LAMA2: variants seen among roughly 807,000 people sequenced by gnomAD.
LAMA2 encodes laminin subunit alpha-2.
In LAMA2, 269 loss-of-function variants were observed where a neutral mutation model predicts 364.8. The observed-to-expected ratio is 0.74, with a 90% CI of 0.67 to 0.82. The LOEUF is 0.82. LAMA2 is among the 40% of genes least tolerant of loss of function. The probability of loss-of-function intolerance (pLI) is 0.00; values close to 1 mark genes in which losing one functional copy is unlikely to be tolerated. For missense variants in LAMA2, 3,807 were observed against 3,873.2 expected (o/e 0.98, Z 0.45); for synonymous variants, 1,379 against 1,370.6 (o/e 1.01, Z -0.14).
chr6:129,213,314 A>G (rs1783215225), intron 12 of LAMA2, among the ~76,000 whole-genome samples: 1 of 152,238 alleles, frequency 6.6e-6, no homozygotes, highest in South Asian at 2.1e-4. Flanking sequence ...TGTTCTGGCA[A>G]TATGAATCAA....
chr6:129,353,337 G>A lies in LAMA2; in HGVS notation c.4697G>A (p.Arg1566His), dbSNP rs574923739. The A allele has an allele frequency of 1.1e-5, 17 of 1,613,860 alleles. No individual in the cohort carries two copies. In the East Asian group the frequency reaches 1.3e-4, roughly 13 times the overall value. Residue 1566 changes from arginine (R) to histidine (H), a missense_variant, in exon 32 of 65, where the codon CGC becomes CAC. By Grantham distance (29) the Arg-to-His change is conservative. Transcript: ENST00000421865. Reference protein sequence around the residue: ...KCDGCKHWHAREGWECVFCGD... With the variant: ...KCDGCKHWHAHEGWECVFCGD... The stretch of plus-strand genomic sequence containing the variant: ...GACGGCTGCAAGCACTGGCATGCAC[G>A]CGAGGGCTGGGAGTGTGTTTGTACG...
chr6:129,025,192 A>G (rs1740595043), intron 1 of LAMA2, among the ~76,000 whole-genome samples: 1 of 152,212 alleles, frequency 6.6e-6, no homozygotes, highest in African/African-American at 2.4e-5. Flanking sequence ...AATGTAAAAA[A>G]TCAAATGAAC....
At chr6:128,930,550 AC>A (rs932783279) in intron 1 of LAMA2, among the ~76,000 whole-genome samples, 5 of 151,654 alleles carry the variant, frequency 3.3e-5, no homozygotes, top group African/African-American at 1.2e-4. Flanking sequence ...AGTTCCCCCC[AC>A]CCTTCACACA....
intron 4 of LAMA2, among the ~76,000 whole-genome samples, chr6:129,122,164 C>G (rs1776838337): frequency 6.6e-6 from 1 of 152,158 alleles, no homozygotes; most frequent in Admixed American, 6.5e-5. Flanking sequence ...TGTAGACCTT[C>G]CATCATACCA....
At chr6:129,007,953 C>T (rs183189674) in intron 1 of LAMA2, among the ~76,000 whole-genome samples, 167 of 152,190 alleles carry the variant, frequency 1.1e-3, no homozygotes, top group Non-Finnish European at 1.9e-3. Context: ...TTCCCAGCAG[C>T]GACACTGACA....
intron 3 of LAMA2, among the ~76,000 whole-genome samples, chr6:129,089,386 T>C (rs901949814): frequency 5.3e-5 from 8 of 151,934 alleles, no homozygotes; most frequent in Non-Finnish European, 1.2e-4. Context: ...CCTTGGTAAA[T>C]ACAGAAGCAC....
intron 51 of LAMA2, among the ~76,000 whole-genome samples, chr6:129,472,164 G>C (rs1292825011): frequency 1.3e-5 from 2 of 151,890 alleles, no homozygotes; most frequent in African/African-American, 4.8e-5. Context: ...GTATAACCCA[G>C]TATTTGTCAT....
At chr6:128,927,914 TCAG>T (rs71543151) in intron 1 of LAMA2, among the ~76,000 whole-genome samples, 10,595 of 152,284 alleles carry the variant, frequency 0.07, 438 homozygotes, top group South Asian at 0.12. Flanking sequence ...AAAAAAGTAA[TCAG>T]CACCATTTGC....
At chr6:128,898,438 G>A (rs1776896529) in intron 1 of LAMA2, among the ~76,000 whole-genome samples, 1 of 152,148 alleles carries the variant, frequency 6.6e-6, no homozygotes, top group Admixed American at 6.5e-5. Flanking sequence ...AATCAAATTT[G>A]ACATCTAGAA....
At chr6:129,368,207 A>G (rs1019988824) in intron 33 of LAMA2, among the ~76,000 whole-genome samples, 4 of 152,206 alleles carry the variant, frequency 2.6e-5, no homozygotes, top group African/African-American at 9.6e-5. Flanking sequence ...TCACATTGGG[A>G]ACTAGGATGT....
At chr6:129,479,414 G>A (rs557599155) in intron 54 of LAMA2, among the ~76,000 whole-genome samples, 1 of 152,092 alleles carries the variant, frequency 6.6e-6, no homozygotes, top group African/African-American at 2.4e-5. Context: ...AAGCATCCTA[G>A]CATTCCCCTA....
At chr6:129,455,175 T>C (rs190478463) in intron 47 of LAMA2, among the ~76,000 whole-genome samples, 2 of 152,132 alleles carry the variant, frequency 1.3e-5, no homozygotes, top group East Asian at 1.9e-4. Flanking sequence ...AAGGCTGTGG[T>C]CCATGATGAT....
At chr6:129,130,066 T>C (rs972520540) in intron 4 of LAMA2, among the ~76,000 whole-genome samples, 5 of 152,174 alleles carry the variant, frequency 3.3e-5, no homozygotes, top group Admixed American at 1.3e-4. Flanking sequence ...CATATGGTAT[T>C]CCAGTGAAAG....
At chr6:129,381,674 A>G (rs1168703284) in intron 34 of LAMA2, among the ~76,000 whole-genome samples, 1 of 152,226 alleles carries the variant, frequency 6.6e-6, no homozygotes, top group Non-Finnish European at 1.5e-5. Context: ...TCCCAAAAAA[A>G]TTTTTAAATC....
At chr6:129,342,290 A>C in intron 29 of LAMA2, 53 bp from the exon 30 acceptor site, 1 of 1,531,894 alleles carries the variant, frequency 6.5e-7, no homozygotes, top group Non-Finnish European at 9.0e-7. Flanking sequence ...GATAAATTAC[A>C]TTCTAACTAT....
intron 49 of LAMA2, among the ~76,000 whole-genome samples, chr6:129,461,808 C>T (rs576639802): frequency 3.1e-5 from 3 of 96,912 alleles, no homozygotes; most frequent in South Asian, 3.5e-4. Flanking sequence ...CAGAGATTCA[C>T]GTTTACAACT....
At chr6:129,278,641 C>T (rs927046991) in intron 17 of LAMA2, among the ~76,000 whole-genome samples, 9 of 152,110 alleles carry the variant, frequency 5.9e-5, no homozygotes, top group African/African-American at 9.7e-5. Flanking sequence ...ATTCTTTACT[C>T]GCAGTGCACA....
chr6:129,095,328 T>C (rs1319855270), intron 3 of LAMA2, among the ~76,000 whole-genome samples: 2 of 152,214 alleles, frequency 1.3e-5, no homozygotes, highest in Non-Finnish European at 2.9e-5. Context: ...AGTATTTCCA[T>C]ATACAAAATA....
chr6:129,429,315 T>G lies in LAMA2; in HGVS notation c.5968+1461T>G, dbSNP rs146676771. Reference sequence around the variant, plus strand: ...TGTATAAATTTTTGGCATTCCATCTTCTTGAGGAAAGACATGGGGTTTTGC... The same window carrying G: ...TGTATAAATTTTTGGCATTCCATCTGCTTGAGGAAAGACATGGGGTTTTGC... On this transcript the variant is annotated intron_variant, in intron 41 of 64. Coordinates refer to ENST00000421865, the MANE Select transcript of LAMA2 (RefSeq NM_000426.4). 2.6e-5 allele frequency among the ~76,000 whole-genome samples: 4 copies of G among 152,350 alleles called. No homozygotes were observed. The East Asian group carries it at 7.7e-4, about 29-fold the overall frequency.
Sources: allele counts gnomAD v4.1 joint callset (sites outside exome capture counted in the v4.1 genomes callset), GRCh38; gene constraint gnomAD v4.1.1; transcripts MANE v1.5; gene names NCBI Gene and HGNC (gene_info 2026-07-23, HGNC 2026-07-21).